Variants in LINGO2 observed in about 807,000 individuals in gnomAD.
LINGO2 encodes the protein leucine-rich repeat and immunoglobulin-like domain-containing nogo receptor-interacting protein 2.
LINGO2 carries 14 observed loss-of-function variants against 30.6 expected under a neutral mutation model. That is an observed-to-expected ratio of 0.46 (90% confidence interval 0.30 to 0.72). The LOEUF (loss-of-function observed/expected upper bound fraction) is 0.72. LINGO2 is among the 30% of genes least tolerant of loss of function. The pLI is 0.07. For missense variants in LINGO2, 729 were observed against 751.7 expected, an observed-to-expected ratio of 0.97 and a Z score of 0.35; for synonymous variants, 317 against 288.5, an observed-to-expected ratio of 1.10 and a Z score of -1.00.
intron 4 of LINGO2, among the ~76,000 whole-genome samples, chr9:28,258,651 G>A (rs916946087): frequency 6.6e-6 from 1 of 151,906 alleles, no homozygotes; most frequent in African/African-American, 2.4e-5. Flanking sequence ...TCACCAGAGA[G>A]CCTTTACAGA....
intron 4 of LINGO2, among the ~76,000 whole-genome samples, chr9:28,056,630 A>G (rs1042983507): frequency 2.6e-5 from 4 of 152,162 alleles, no homozygotes; most frequent in African/African-American, 7.2e-5. Flanking sequence ...CAAGAAAACC[A>G]TAATTTAGGA....
chr9:28,465,966 G>A (rs1450824789), intron 2 of LINGO2, among the ~76,000 whole-genome samples: 1 of 152,092 alleles, frequency 6.6e-6, no homozygotes, highest in East Asian at 1.9e-4. Flanking sequence ...AATAACAAAT[G>A]CTGATGAGGA....
At chr9:28,245,335 C>T (rs1821958341) in intron 4 of LINGO2, among the ~76,000 whole-genome samples, 1 of 152,020 alleles carries the variant, frequency 6.6e-6, no homozygotes, top group Non-Finnish European at 1.5e-5. Context: ...TATAACAAAC[C>T]CACAACTGAT....
At chr9:29,203,382 G>T in the LINGO2 span, among the ~76,000 whole-genome samples, 9 of 152,026 alleles carry the variant, frequency 5.9e-5, no homozygotes, top group Non-Finnish European at 1.0e-4. Context: ...CTAAGGCATG[G>T]GTAAATGAAC....
At chr9:28,759,687 G>T in the LINGO2 span, among the ~76,000 whole-genome samples, 2 of 127,626 alleles carry the variant, frequency 1.6e-5, no homozygotes, top group Admixed American at 8.0e-5. Context: ...GTCTCAAAAA[G>T]AAAAAAAAAA....
chr9:28,318,926 C>T (rs1447462100), intron 3 of LINGO2, among the ~76,000 whole-genome samples: 1 of 152,106 alleles, frequency 6.6e-6, no homozygotes, highest in East Asian at 1.9e-4. Context: ...AAGTTAAAAA[C>T]TGAAGCTTAG....
the LINGO2 span, among the ~76,000 whole-genome samples, chr9:29,170,191 G>C: frequency 6.6e-6 from 1 of 152,066 alleles, no homozygotes; most frequent in Admixed American, 6.5e-5. Flanking sequence ...CAAAGTCATA[G>C]AATCAACTTA....
the LINGO2 span, among the ~76,000 whole-genome samples, chr9:29,002,455 C>G: frequency 6.6e-6 from 1 of 152,052 alleles, no homozygotes; most frequent in Non-Finnish European, 1.5e-5. Context: ...AATGCTCTGT[C>G]CTGCTGATAA....
the LINGO2 span, among the ~76,000 whole-genome samples, chr9:29,203,785 C>T: frequency 7.9e-5 from 12 of 152,318 alleles, no homozygotes; most frequent in African/African-American, 2.6e-4. Flanking sequence ...CACTTACTCA[C>T]TCTGACATTT....
chr9:29,119,002 C>A, the LINGO2 span, among the ~76,000 whole-genome samples: 2 of 152,138 alleles, frequency 1.3e-5, no homozygotes, highest in African/African-American at 4.8e-5. Flanking sequence ...CTCATGAAAC[C>A]CAGTAACATA....
the LINGO2 span, among the ~76,000 whole-genome samples, chr9:29,122,022 AG>A: frequency 6.6e-6 from 1 of 152,116 alleles, no homozygotes; most frequent in Non-Finnish European, 1.5e-5. Context: ...ACTTAAGGGT[AG>A]AAACTCATGA....
chr9:28,720,631 ATAT>A, the LINGO2 span, among the ~76,000 whole-genome samples: 2 of 152,196 alleles, frequency 1.3e-5, no homozygotes, highest in South Asian at 4.1e-4. Context: ...GGAAGTAAGA[ATAT>A]TATTTGACCT....
chr9:28,595,827 T>C (rs1825148122), intron 1 of LINGO2, among the ~76,000 whole-genome samples: 1 of 152,146 alleles, frequency 6.6e-6, no homozygotes, highest in South Asian at 2.1e-4. Flanking sequence ...TTTTCATGTT[T>C]GTACAAATTC....
At chr9:28,145,172 C>G (rs186310794) in intron 4 of LINGO2, among the ~76,000 whole-genome samples, 1 of 152,140 alleles carries the variant, frequency 6.6e-6, no homozygotes, top group African/African-American at 2.4e-5. Context: ...ATGTTCTGCT[C>G]TTATGTGGGT....
intron 3 of LINGO2, among the ~76,000 whole-genome samples, chr9:28,307,197 C>T (rs536045088): frequency 5.9e-5 from 9 of 152,216 alleles, no homozygotes; most frequent in Admixed American, 2.0e-4. Flanking sequence ...ACTGGGAAAC[C>T]GAATCCAGCA....
At chr9:28,940,067 C>T in the LINGO2 span, among the ~76,000 whole-genome samples, 6 of 152,262 alleles carry the variant, frequency 3.9e-5, no homozygotes, top group South Asian at 1.2e-3. Flanking sequence ...TTTATAATTT[C>T]TACATTGCCT....
chr9:29,088,462 C>A, the LINGO2 span, among the ~76,000 whole-genome samples: 1 of 152,040 alleles, frequency 6.6e-6, no homozygotes, highest in Non-Finnish European at 1.5e-5. Context: ...CCATTCTTTA[C>A]ACCTTAGATA....
intron 2 of LINGO2, among the ~76,000 whole-genome samples, chr9:28,457,587 A>G (rs1322132723): frequency 6.6e-6 from 1 of 151,874 alleles, no homozygotes. Flanking sequence ...GCTAATAAAA[A>G]GAAAACAAAA....
At chr9:28,173,067 G>A (rs1299965677) in intron 4 of LINGO2, among the ~76,000 whole-genome samples, 1 of 152,128 alleles carries the variant, frequency 6.6e-6, no homozygotes, top group Non-Finnish European at 1.5e-5. Flanking sequence ...CAATTCAGCA[G>A]AGGCAGTTTT....
Sources: allele counts gnomAD v4.1 joint callset (sites outside exome capture counted in the v4.1 genomes callset), GRCh38; gene constraint gnomAD v4.1.1; transcripts MANE v1.5; gene names NCBI Gene and HGNC (gene_info 2026-07-23, HGNC 2026-07-21).